The following SCN4B variants were observed in gnomAD, a reference collection of about 807,000 sequenced individuals.
SCN4B encodes the protein sodium voltage-gated channel beta subunit 4.
SCN4B carries 20 observed loss-of-function variants against 19.6 expected under a neutral mutation model. The ratio of observed to expected loss-of-function variants is 1.02; its 90% CI spans 0.72 to 1.48. The LOEUF is 1.48. Among genes scored for constraint, SCN4B ranks in the 40% most tolerant of loss-of-function variants. The pLI is 0.00. For missense variants in SCN4B, 271 were observed against 287.5 expected (o/e 0.94, Z 0.42); for synonymous variants, 127 against 122.8 (o/e 1.03, Z -0.22).
chr11:118,139,408 C>T (rs1425898667), intron 4 of SCN4B, among the ~76,000 whole-genome samples: 1 of 152,216 alleles, frequency 6.6e-6, no homozygotes, highest in African/African-American at 2.4e-5. Flanking sequence ...ACAGCAGCAT[C>T]GTATCAAACC....
intron 1 of SCN4B, among the ~76,000 whole-genome samples, chr11:118,150,693 A>G (rs577202326): frequency 6.6e-6 from 1 of 152,236 alleles, no homozygotes; most frequent in East Asian, 1.9e-4. Context: ...TGCTTCCCAG[A>G]GTTGCTGCCA....
chr11:118,138,877 G>A (rs555820219), intron 4 of SCN4B, among the ~76,000 whole-genome samples: 2 of 152,254 alleles, frequency 1.3e-5, no homozygotes, highest in Admixed American at 1.3e-4. Flanking sequence ...AATCAATGGT[G>A]AGATGTTGTC....
chr11:118,140,733 T>G (rs1948085071), intron 4 of SCN4B, among the ~76,000 whole-genome samples: 1 of 152,254 alleles, frequency 6.6e-6, no homozygotes, highest in Non-Finnish European at 1.5e-5. Flanking sequence ...CTTTTCAAAC[T>G]TTTAAAACAT....
chr11:118,137,109 A>T lies in SCN4B; in HGVS notation c.605T>A (p.Leu202His). 6.2e-7 allele frequency: 1 copy of T among 1,613,150 alleles called. No individual in the cohort carries two copies. Among genetic ancestry groups the T allele is most frequent in the Non-Finnish European group, 8.5e-7 (1 of 1,179,106 alleles). The change falls in exon 5 of 5, where the codon CTC becomes CAC. Residue 202 changes from leucine to histidine, a missense_variant. By Grantham distance (99) the Leu-to-His change is moderately conservative. Coordinates refer to ENST00000324727, the MANE Select transcript of SCN4B (RefSeq NM_174934.4). ...KKTREKKKEC[L>H]VSSSGNDNTE... ...GTTGTCATTCCCCGAGGAGCTCACG[A>T]GACACTCCTTCCTGGAGAGGGAGAG...
intron 1 of SCN4B, among the ~76,000 whole-genome samples, chr11:118,146,957 G>A (rs1948184731): frequency 1.3e-5 from 2 of 152,168 alleles, no homozygotes; most frequent in South Asian, 4.1e-4. Context: ...TAGGATTTGT[G>A]GCCAACCAGG....
At chr11:118,141,376 G>A in intron 3 of SCN4B, 40 bp from the exon 4 acceptor site, 1 of 1,611,680 alleles carries the variant, frequency 6.2e-7, no homozygotes, top group Non-Finnish European at 8.5e-7. Context: ...AGGCACAAAG[G>A]GAGCAAGAGT....
Position 118,135,271 on chromosome 11 carries a change from G to A in SCN4B, c.*1756C>T. ...GGTTGGCTAAGGGACACTGGCCACA[G>A]CCACGGGCACCCTGCAGGTACTACT... On this transcript the variant is annotated 3_prime_UTR_variant, in exon 5 of 5. Coordinates refer to ENST00000324727, the MANE Select transcript of SCN4B (RefSeq NM_174934.4). 4.4e-6 allele frequency: 2 copies of A among 453,980 alleles called. No homozygotes were observed. 28.1% of individuals were successfully genotyped at this position (453,980 alleles called of 1,614,324 possible).
chr11:118,144,962 T>C (rs1401991166), intron 2 of SCN4B, 95 bp downstream of exon 2: 4 of 1,263,920 alleles, frequency 3.2e-6, no homozygotes, highest in East Asian at 2.3e-5. Flanking sequence ...CTGGGGACCA[T>C]CGCAGTGGGT....
intron 1 of SCN4B, among the ~76,000 whole-genome samples, chr11:118,151,719 T>C (rs1217759237): frequency 6.6e-6 from 1 of 152,150 alleles, no homozygotes; most frequent in African/African-American, 2.4e-5. Flanking sequence ...CTGACCAATA[T>C]AAACAGGAAG....
intron 4 of SCN4B, among the ~76,000 whole-genome samples, chr11:118,139,980 C>T (rs990427089): frequency 6.6e-6 from 1 of 150,828 alleles, no homozygotes; most frequent in Non-Finnish European, 1.5e-5. Context: ...TCAAAGCATC[C>T]TCCTGCCTCA....
In SCN4B at chr11:118,139,901, C is replaced by CTT. The variant is rs778719637; in HGVS notation, c.593+1304_593+1305dup. Among the ~76,000 whole-genome samples the CTT allele has an allele frequency of 3.9e-4, 41 of 104,588 alleles. 1 individual carries two copies. Among genetic ancestry groups the CTT allele is most frequent in the East Asian group, 2.6e-3 (10 of 3,854 alleles). 68.6% of individuals were successfully genotyped at this position (104,588 alleles called of 152,430 possible). A position where few individuals can be genotyped will look rare whatever the true frequency, so the allele number is the denominator to read the frequency against. On this transcript the variant is annotated intron_variant, in intron 4 of 4. Coordinates refer to ENST00000324727, the MANE Select transcript of SCN4B (RefSeq NM_174934.4). ...CATCTAGCATTCCTTTTTTTTTTTTCTTTTTTCTTTTTTTTTTTAAGAGAC... is the reference window on the plus strand; with the variant it reads ...CATCTAGCATTCCTTTTTTTTTTTTCTTTTTTTTCTTTTTTTTTTTAAGAGAC...
rs1948207984 is a variant in SCN4B, at chr11:118,148,813, C to T, written c.62-3584G>A. ...CACTTCTTGGCTTATTTCCATGTGG[C>T]CATTTCCCCGGAGTAAAGAAAGCCT... is the stretch of plus-strand genomic sequence containing the variant. On this transcript the variant is annotated intron_variant, in intron 1 of 4. Transcript: ENST00000324727. This position sits in a 1 kb window ranked among gnomAD's most constrained non-coding sequence, Gnocchi z 4.0. Among the ~76,000 whole-genome samples, 1 of 152,130 alleles carries T rather than the reference C, an allele frequency of 6.6e-6. No individual in the cohort carries two copies.
chr11:118,145,643 G>A, intron 1 of SCN4B: 1 of 382,644 alleles, frequency 2.6e-6, no homozygotes, highest in African/African-American at 2.1e-5. Context: ...AATTCCCCTA[G>A]GACAGTACGC....
rs946696184 is a variant in SCN4B, at chr11:118,134,369, A to G, written c.*2658T>C. Reference sequence around the variant, plus strand: ...CACAAGCCCTGGAAGCCACCATCAGAGATTTGCATGCACTGAGGTTCCACT... The same window carrying G: ...CACAAGCCCTGGAAGCCACCATCAGGGATTTGCATGCACTGAGGTTCCACT... On this transcript the variant is annotated 3_prime_UTR_variant, in exon 5 of 5. Transcript: ENST00000324727. 2.2e-6 allele frequency: 1 copy of G among 453,984 alleles called. No homozygotes were observed. The highest frequency in any genetic ancestry group is 4.4e-6 in the Non-Finnish European group (1 of 226,766). 28.1% of individuals were successfully genotyped at this position (453,984 alleles called of 1,614,324 possible). A position where few individuals can be genotyped will look rare whatever the true frequency, so the allele number is the denominator to read the frequency against.
chr11:118,146,359 T>G (rs1948176428), intron 1 of SCN4B, among the ~76,000 whole-genome samples: 1 of 146,564 alleles, frequency 6.8e-6, no homozygotes, highest in African/African-American at 2.5e-5. Context: ...GAAACCCCAC[T>G]CGCCTCAAGG....
rs960714750 is a variant in SCN4B at position 118,148,252 on chromosome 11, C to T, written c.62-3023G>A. ...AAGCCTGGCTTCTTCAGTGCACAGCCCTCCCAGTCGGGAGTCATGCAGTCC... is the reference window on the plus strand; with the variant it reads ...AAGCCTGGCTTCTTCAGTGCACAGCTCTCCCAGTCGGGAGTCATGCAGTCC... On this transcript the variant is annotated intron_variant, in intron 1 of 4. Coordinates refer to ENST00000324727, the MANE Select transcript of SCN4B (RefSeq NM_174934.4). This position sits in a 1 kb window ranked among gnomAD's most constrained non-coding sequence, Gnocchi z 4.0. 5.3e-5 allele frequency among the ~76,000 whole-genome samples: 8 copies of T among 152,216 alleles called. No homozygotes were observed. Among genetic ancestry groups the T allele is most frequent in the Admixed American group, 4.6e-4 (7 of 15,292 alleles).
At chr11:118,145,674 G>A (rs958899218) in intron 1 of SCN4B, 1 of 324,756 alleles carries the variant, frequency 3.1e-6, no homozygotes, top group Non-Finnish European at 6.0e-6. Context: ...AGGTTTTCAG[G>A]ACTGACGGGC....
intron 4 of SCN4B, among the ~76,000 whole-genome samples, 186 bp from the exon 5 acceptor site, chr11:118,137,306 G>A (rs995252794): frequency 3.3e-5 from 5 of 152,180 alleles, no homozygotes; most frequent in Admixed American, 2.0e-4. Context: ...TGAAATAGAG[G>A]TAGGGATGAC....
chr11:118,141,726 C>A (rs11604096), intron 3 of SCN4B: 174,381 of 268,056 alleles, frequency 0.65, 57,587 homozygotes, highest in East Asian at 0.83. Context: ...AAATTAAGAA[C>A]CTCCCTATGA....
Sources: allele counts gnomAD v4.1 joint callset (sites outside exome capture counted in the v4.1 genomes callset), GRCh38; gene constraint gnomAD v4.1.1; non-coding constraint Gnocchi (gnomAD v3.1); transcripts MANE v1.5; gene names NCBI Gene and HGNC (gene_info 2026-07-23, HGNC 2026-07-21).